Variants in SPATA22 observed in about 807,000 individuals in gnomAD.
SPATA22 encodes spermatogenesis-associated protein 22.
SPATA22 carries 29 observed loss-of-function variants against 47.8 expected under a neutral mutation model. The ratio of observed to expected loss-of-function variants is 0.61; its 90% CI spans 0.45 to 0.83. The LOEUF (loss-of-function observed/expected upper bound fraction) is 0.83. SPATA22 is among the 40% of genes least tolerant of loss of function. SPATA22 has a pLI of 0.00. For synonymous variants in SPATA22, 133 were observed against 140.9 expected (o/e 0.94, Z 0.40); for missense variants, 410 against 421.7 (o/e 0.97, Z 0.24).
rs9901726 is a variant in SPATA22 at position 3,440,240 on chromosome 17, C to T, written c.999G>A (p.Pro333=). ...KNIFQCVSVR[P]ASVSEQKTFQ... is the part of the protein sequence containing the mutation. ...AAGTTTTTTGTTCAGAAACAGACGC[C>T]GGTCTGACAGAAACACATTGGAAAA... is the stretch of plus-strand genomic sequence containing the variant. The change falls in exon 9 of 9, where the codon CCG becomes CCA. Residue 333 remains proline, a synonymous_variant. Transcript: ENST00000572969. 0.023 allele frequency: 37,398 copies of T among 1,611,004 alleles called. 965 individuals carry two copies. Among genetic ancestry groups the T allele is most frequent in the East Asian group, 0.1 (4,611 of 44,692 alleles).
intron 1 of SPATA22, among the ~76,000 whole-genome samples, chr17:3,491,058 G>A (rs187397397): frequency 1.3e-5 from 2 of 152,284 alleles, no homozygotes; most frequent in Admixed American, 1.3e-4. Context: ...GAAGAAGTGT[G>A]TAGAAGGGCT....
chr17:3,467,346 T>C (rs891174735), intron 3 of SPATA22, 80 bp downstream of exon 3: 10 of 1,151,934 alleles, frequency 8.7e-6, no homozygotes, highest in Non-Finnish European at 1.2e-5. Context: ...ACTTTCTATT[T>C]TCATTATAAT....
At chr17:3,451,016 G>A (rs375735706) in intron 5 of SPATA22, among the ~76,000 whole-genome samples, 2 of 152,148 alleles carry the variant, frequency 1.3e-5, no homozygotes, top group Non-Finnish European at 2.9e-5. Flanking sequence ...GCCTATATGA[G>A]GAGAGGCTGA....
At chr17:3,511,919 G>A (rs2074118735) in intron 1 of SPATA22, 1 of 152,150 alleles carries the variant, frequency 6.6e-6, no homozygotes, top group Non-Finnish European at 1.5e-5. Context: ...TTGGCATCAT[G>A]AATCCAAACC....
chr17:3,486,474 T>C (rs2073724035), intron 1 of SPATA22, among the ~76,000 whole-genome samples: 1 of 152,228 alleles, frequency 6.6e-6, no homozygotes, highest in Non-Finnish European at 1.5e-5. Flanking sequence ...CTGTTTGTCA[T>C]CTATTCACTT....
chr17:3,454,678 T>C (rs1416457343), intron 5 of SPATA22, among the ~76,000 whole-genome samples: 1 of 152,014 alleles, frequency 6.6e-6, no homozygotes, highest in Non-Finnish European at 1.5e-5. Flanking sequence ...ATGTGCCACA[T>C]TTTCTTAATC....
At chr17:3,471,142 G>A (rs117565924) in intron 1 of SPATA22, among the ~76,000 whole-genome samples, 6,229 of 151,622 alleles carry the variant, frequency 0.041, 184 homozygotes, top group Middle Eastern at 0.065. Flanking sequence ...GCGACAGAGC[G>A]AGACTCTAGG....
At chr17:3,460,828 A>G (rs1216987227) in intron 5 of SPATA22, among the ~76,000 whole-genome samples, 1 of 149,916 alleles carries the variant, frequency 6.7e-6, no homozygotes, top group Admixed American at 6.7e-5. Context: ...TAAAAATGTT[A>G]AAAGTCCTCA....
At chr17:3,464,218 G>A (rs1029968918) in intron 3 of SPATA22, among the ~76,000 whole-genome samples, 34 of 152,050 alleles carry the variant, frequency 2.2e-4, no homozygotes, top group Admixed American at 1.5e-3. Context: ...CTAACCGCGA[G>A]TGATCCGCCA....
chr17:3,496,608 C>T (rs1311151567), intron 1 of SPATA22, among the ~76,000 whole-genome samples: 4 of 152,142 alleles, frequency 2.6e-5, no homozygotes, highest in Admixed American at 6.5e-5. Flanking sequence ...GTTCAGGACC[C>T]GGTTATGAGT....
At chr17:3,456,413 C>A (rs1267035680) in intron 5 of SPATA22, among the ~76,000 whole-genome samples, 1 of 144,408 alleles carries the variant, frequency 6.9e-6, no homozygotes, top group Non-Finnish European at 1.5e-5. Flanking sequence ...GAGAATACTA[C>A]AAACATCTCT....
intron 3 of SPATA22, among the ~76,000 whole-genome samples, chr17:3,464,670 C>T (rs1206422083): frequency 1.0e-3 from 152 of 149,584 alleles, no homozygotes; most frequent in African/African-American, 3.4e-3. Context: ...TGCCCGGCCG[C>T]GACCCCGTCT....
At chr17:3,499,083 C>T (rs1235868764) in intron 1 of SPATA22, 1 of 1,613,492 alleles carries the variant, frequency 6.2e-7, no homozygotes, top group African/African-American at 1.3e-5. Context: ...CTGCTGTTTA[C>T]ATTAGAAATC....
chr17:3,499,539 C>G (rs1225627459), intron 1 of SPATA22: 1 of 103,002 alleles, frequency 9.7e-6, no homozygotes, highest in Non-Finnish European at 2.4e-5. Context: ...CATGTGCTCA[C>G]TCCTTGTCTC....
chr17:3,490,306 A>ATTTATTTAT lies in SPATA22; in HGVS notation c.-73-20909_-73-20908insATAAATAAA, dbSNP rs566010628. On this transcript the variant is annotated intron_variant, in intron 1 of 8. Transcript: ENST00000541913. The surrounding 1 kb of genome is among the most constrained non-coding windows in gnomAD (Gnocchi z 4.6). ...AAGGTGGGTATATGCAGCTCTATGC[A>ATTTATTTAT]CTATCTGCTCATTTATTTGGTAAAT... Among the ~76,000 whole-genome samples the ATTTATTTAT allele has an allele frequency of 9.4e-4, 143 of 152,340 alleles. 2 individuals carry two copies. The East Asian group carries it at 0.025, about 26-fold the overall frequency.
At chr17:3,459,350 T>C (rs941777674) in intron 5 of SPATA22, among the ~76,000 whole-genome samples, 5 of 152,216 alleles carry the variant, frequency 3.3e-5, no homozygotes, top group African/African-American at 4.8e-5. Flanking sequence ...ATCAGGTCAC[T>C]ATGTATATGC....
intron 1 of SPATA22, among the ~76,000 whole-genome samples, chr17:3,482,431 C>A (rs2073646516): frequency 6.6e-6 from 1 of 152,168 alleles, no homozygotes; most frequent in African/African-American, 2.4e-5. Context: ...ACATAAGGAA[C>A]TGTATGCTTA....
chr17:3,508,897 TAAAA>T (rs59201485), intron 1 of SPATA22, among the ~76,000 whole-genome samples: 39 of 112,992 alleles, frequency 3.5e-4, no homozygotes, highest in African/African-American at 9.5e-4. Flanking sequence ...GCTTAAAGTA[TAAAA>T]AAAAAAAAAA....
At chr17:3,460,236 A>AT (rs1483075356) in intron 5 of SPATA22, among the ~76,000 whole-genome samples, 1 of 152,122 alleles carries the variant, frequency 6.6e-6, no homozygotes, top group Admixed American at 6.6e-5. Flanking sequence ...ATCTAGTTCA[A>AT]TTTTTTTCCC....
Sources: allele counts gnomAD v4.1 joint callset (sites outside exome capture counted in the v4.1 genomes callset), GRCh38; gene constraint gnomAD v4.1.1; non-coding constraint Gnocchi (gnomAD v3.1); transcripts MANE v1.5; gene names NCBI Gene and HGNC (gene_info 2026-07-23, HGNC 2026-07-21).